Variants in CACNA2D2 observed in about 807,000 individuals in gnomAD.
The protein encoded by CACNA2D2 is calcium voltage-gated channel auxiliary subunit alpha2delta 2, also known as voltage-dependent calcium channel subunit alpha-2/delta-2.
CACNA2D2 carries 48 observed loss-of-function variants against 166.4 expected under a neutral mutation model. The observed-to-expected ratio is 0.29, with a 90% CI of 0.23 to 0.37. The LOEUF (loss-of-function observed/expected upper bound fraction) is 0.37, where lower values mean the gene tolerates loss of function less well. Among genes scored for constraint, CACNA2D2 ranks in the 10% least tolerant of loss-of-function variants. CACNA2D2 has a pLI of 1.00. For missense variants in CACNA2D2, 1,122 were observed against 1,433.0 expected, an observed-to-expected ratio of 0.78 and a Z score of 3.50; for synonymous variants, 561 against 573.7, an observed-to-expected ratio of 0.98 and a Z score of 0.32.
intron 3 of CACNA2D2, among the ~76,000 whole-genome samples, chr3:50,418,618 T>A (rs941235439): frequency 2.0e-5 from 3 of 152,126 alleles, no homozygotes; most frequent in African/African-American, 4.8e-5. Context: ...CAGGGCAGCT[T>A]GGGGGGCCAG....
rs756092015 is a variant in CACNA2D2 at position 50,375,887 on chromosome 3, G to A, written c.1774-7C>T. The A allele has an allele frequency of 8.1e-6, 13 of 1,612,790 alleles. No individual in the cohort carries two copies. Among genetic ancestry groups the A allele is most frequent in the Non-Finnish European group, 1.1e-5 (13 of 1,179,972 alleles). ...CAATCATGCTCCGACGGATCTGGAA[G>A]GGCCAGAGATGTGAGGGGCAGGGCC... On this transcript the variant is annotated splice_polypyrimidine_tract_variant and splice_region_variant and intron_variant, in intron 19 of 37. Transcript: ENST00000424201. The surrounding 1 kb of genome is among the most constrained non-coding windows in gnomAD (Gnocchi z 4.0).
At chr3:50,385,355 C>T (rs1019614139) in intron 5 of CACNA2D2, among the ~76,000 whole-genome samples, 1 of 152,168 alleles carries the variant, frequency 6.6e-6, no homozygotes, top group Non-Finnish European at 1.5e-5. Context: ...CTCACTGCCC[C>T]TCAAAGCCTC....
At chr3:50,406,251 G>A (rs954969072) in intron 3 of CACNA2D2, among the ~76,000 whole-genome samples, 3 of 151,792 alleles carry the variant, frequency 2.0e-5, no homozygotes, top group South Asian at 2.1e-4. Flanking sequence ...CCCACTGGCC[G>A]CAGGCTGGCT....
At chr3:50,421,412 C>T (rs913590434) in intron 3 of CACNA2D2, among the ~76,000 whole-genome samples, 1 of 152,122 alleles carries the variant, frequency 6.6e-6, no homozygotes, top group African/African-American at 2.4e-5. Flanking sequence ...AGTTGCCCCC[C>T]TCACCCAGGC....
At chr3:50,383,467 T>C (rs1189674045) in intron 6 of CACNA2D2, among the ~76,000 whole-genome samples, 1 of 152,170 alleles carries the variant, frequency 6.6e-6, no homozygotes, top group African/African-American at 2.4e-5. Context: ...CTGCTGGAGC[T>C]CCCCATCCAG....
intron 3 of CACNA2D2, among the ~76,000 whole-genome samples, chr3:50,421,813 G>C (rs572020052): frequency 1.6e-4 from 24 of 152,272 alleles, no homozygotes; most frequent in Admixed American, 8.5e-4. Context: ...CAGGACCCCA[G>C]GATGTGAGTG....
intron 3 of CACNA2D2, among the ~76,000 whole-genome samples, chr3:50,397,267 C>T (rs1674815015): frequency 1.3e-5 from 2 of 152,212 alleles, no homozygotes; most frequent in East Asian, 1.9e-4. Flanking sequence ...TCCTCAGTAA[C>T]GATCAAGCCA....
At chr3:50,400,955 G>GT (rs1335989293) in intron 3 of CACNA2D2, among the ~76,000 whole-genome samples, 1 of 152,184 alleles carries the variant, frequency 6.6e-6, no homozygotes, top group Non-Finnish European at 1.5e-5. Context: ...GATTACAGGC[G>GT]TGAGCCACCG....
intron 13 of CACNA2D2, 90 bp from the exon 14 acceptor site, chr3:50,378,423 C>T: frequency 7.7e-7 from 1 of 1,295,866 alleles, no homozygotes; most frequent in Non-Finnish European, 1.1e-6. Flanking sequence ...GTCTGCAGCC[C>T]TGCCTCGCCT....
intron 2 of CACNA2D2, among the ~76,000 whole-genome samples, chr3:50,450,872 C>A (rs983605645): frequency 6.6e-6 from 1 of 152,202 alleles, no homozygotes; most frequent in Non-Finnish European, 1.5e-5. Context: ...CCTTAGCCAA[C>A]AAGACCCAGG....
chr3:50,385,754 A>G (rs1483138641), intron 5 of CACNA2D2, among the ~76,000 whole-genome samples: 2 of 152,214 alleles, frequency 1.3e-5, no homozygotes, highest in Non-Finnish European at 2.9e-5. Context: ...GCCTCGGAGC[A>G]TGGAGGCCAG....
chr3:50,468,441 G>GTGTGTGTGTGTGTGT (rs61609978), intron 2 of CACNA2D2, among the ~76,000 whole-genome samples: 57 of 140,488 alleles, frequency 4.1e-4, no homozygotes, highest in Non-Finnish European at 5.0e-4. Context: ...GTGTGTGTGT[G>GTGTGTGTGTGTGTGT]GCTTTAGGAA....
At chr3:50,425,085 C>T (rs73833371) in intron 3 of CACNA2D2, among the ~76,000 whole-genome samples, 13,320 of 152,186 alleles carry the variant, frequency 0.088, 1,773 homozygotes, top group African/African-American at 0.29. Context: ...CAGGGCCATG[C>T]TTCCACAGGG....
intron 3 of CACNA2D2, among the ~76,000 whole-genome samples, chr3:50,426,002 C>T (rs1707793983): frequency 1.3e-5 from 2 of 152,174 alleles, no homozygotes; most frequent in African/African-American, 2.4e-5. Flanking sequence ...TAGGCCCTTG[C>T]TCATGCTCTG....
intron 23 of CACNA2D2, among the ~76,000 whole-genome samples, chr3:50,369,731 C>T (rs944454791): frequency 3.3e-5 from 5 of 152,202 alleles, no homozygotes; most frequent in Non-Finnish European, 5.9e-5. Flanking sequence ...GCACACTGAG[C>T]GTGCACTCCG....
At chr3:50,470,809 G>GA (rs1476804409) in intron 2 of CACNA2D2, among the ~76,000 whole-genome samples, 11 of 151,982 alleles carry the variant, frequency 7.2e-5, no homozygotes, top group Non-Finnish European at 1.6e-4. Flanking sequence ...GTCTAGGCAG[G>GA]GCTTTGGTCA....
intron 3 of CACNA2D2, chr3:50,415,876 G>A (rs1307699589): frequency 2.0e-5 from 3 of 152,242 alleles, no homozygotes; most frequent in South Asian, 2.1e-4. Context: ...TCACACCTCC[G>A]TGCTTTTGCA....
At chr3:50,391,974 T>A (rs1188047302) in intron 4 of CACNA2D2, among the ~76,000 whole-genome samples, 3 of 152,092 alleles carry the variant, frequency 2.0e-5, no homozygotes, top group Non-Finnish European at 2.9e-5. Flanking sequence ...TGGGCAGACA[T>A]CTGGAGAGAG....
chr3:50,371,187 C>T (rs944128385), intron 22 of CACNA2D2, among the ~76,000 whole-genome samples: 9 of 152,092 alleles, frequency 5.9e-5, no homozygotes, highest in Admixed American at 3.3e-4. Context: ...GGCGTGGAGA[C>T]GGGCTGGGTC....
Sources: gnomAD v4.1 joint callset for allele counts (sites outside exome capture counted in the v4.1 genomes callset) on GRCh38, gnomAD v4.1.1 for gene constraint, Gnocchi (gnomAD v3.1) non-coding constraint, MANE v1.5 for transcripts, NCBI Gene and HGNC (gene_info 2026-07-23, HGNC 2026-07-21) for gene names.